GABRG3: variants seen among roughly 807,000 people sequenced by gnomAD.
GABRG3 encodes gamma-aminobutyric acid receptor subunit gamma-3.
In GABRG3, 25 loss-of-function variants were observed where a neutral mutation model predicts 48.8. The ratio of observed to expected loss-of-function variants is 0.51; its 90% CI spans 0.37 to 0.72. The LOEUF (loss-of-function observed/expected upper bound fraction) is 0.72, where lower values mean the gene tolerates loss of function less well. Among genes scored for constraint, GABRG3 ranks in the 30% least tolerant of loss-of-function variants. The pLI is 0.00. For missense variants in GABRG3, 394 were observed against 577.9 expected (o/e 0.68, Z 3.26); for synonymous variants, 227 against 217.6 (o/e 1.04, Z -0.38).
intron 3 of GABRG3, among the ~76,000 whole-genome samples, chr15:27,030,905 C>A (rs1896073503): frequency 6.6e-6 from 1 of 152,082 alleles, no homozygotes; most frequent in Non-Finnish European, 1.5e-5. Context: ...CCTGTAGGGC[C>A]ACAGCCTTAA....
intron 2 of GABRG3, among the ~76,000 whole-genome samples, chr15:27,006,240 C>T (rs749217588): frequency 3.3e-5 from 5 of 151,556 alleles, no homozygotes; most frequent in Non-Finnish European, 7.4e-5. Flanking sequence ...CTCGCTTTGT[C>T]GTCTGGGTTG....
chr15:27,346,712 A>G (rs1430359677), intron 5 of GABRG3, among the ~76,000 whole-genome samples: 1 of 151,932 alleles, frequency 6.6e-6, no homozygotes, highest in Non-Finnish European at 1.5e-5. Context: ...TGGCTGTGTC[A>G]ATTCTACTGA....
At chr15:27,294,596 T>A (rs1303008944) in intron 3 of GABRG3, among the ~76,000 whole-genome samples, 3 of 152,092 alleles carry the variant, frequency 2.0e-5, no homozygotes, top group African/African-American at 7.2e-5. Context: ...TACGGGGTTG[T>A]CTTTGGACTC....
intron 3 of GABRG3, among the ~76,000 whole-genome samples, chr15:27,109,404 A>G (rs1897505175): frequency 1.3e-5 from 2 of 152,148 alleles, no homozygotes; most frequent in Admixed American, 1.3e-4. Flanking sequence ...GGCTTTGCTG[A>G]ATGTGTAACG....
intron 3 of GABRG3, among the ~76,000 whole-genome samples, chr15:27,055,006 G>GTTTTTTT (rs150102149): frequency 9.2e-5 from 13 of 141,148 alleles, no homozygotes; most frequent in African/African-American, 3.5e-4. Context: ...GCCAAGACCT[G>GTTTTTTT]TTTTTTTTTT....
intron 5 of GABRG3, among the ~76,000 whole-genome samples, chr15:27,338,617 G>A (rs1894058652): frequency 6.6e-6 from 1 of 152,108 alleles, no homozygotes; most frequent in Non-Finnish European, 1.5e-5. Context: ...TCCTAGTTAG[G>A]TGCTCAGTGC....
chr15:26,977,288 A>G, intron 2 of GABRG3, 138 bp downstream of exon 2: 1 of 884,196 alleles, frequency 1.1e-6, no homozygotes, highest in Non-Finnish European at 1.7e-6. Flanking sequence ...CACAATAGAT[A>G]ACTTAGTGTG....
chr15:27,258,038 A>G lies in GABRG3; in HGVS notation c.271-68771A>G, dbSNP rs534823718. On this transcript the variant is annotated intron_variant, in intron 3 of 9. Coordinates refer to ENST00000615808, the MANE Select transcript of GABRG3 (RefSeq NM_033223.5). ...TTTATATTTAAAGAACAATCAAGTG[A>G]TTTGTGGATTCCCCACAGCTTCCTT... Among the ~76,000 whole-genome samples, 16 of 152,240 alleles carry G rather than the reference A, an allele frequency of 1.1e-4. 1 individual carries two copies. Among genetic ancestry groups the G allele is most frequent in the Middle Eastern group, 6.8e-3 (2 of 294 alleles).
At position 27,541,668 on chromosome 15, in the gene GABRG3, A is replaced by C. The variant is rs1355678871; in HGVS notation, c.*8787A>C. 6.6e-6 allele frequency: 1 copy of C among 152,220 alleles called. No individual in the cohort carries two copies. The highest frequency in any genetic ancestry group is 1.5e-5 in the Non-Finnish European group (1 of 68,108). 9.4% of individuals were successfully genotyped at this position (152,220 alleles called of 1,614,324 possible). A position where few individuals can be genotyped will look rare whatever the true frequency, so the allele number is the denominator to read the frequency against. ...GACCCGCCCTCACCAAGTGGCCTCCAGTAGCCCCTGTGTCCCTGTCGTCCC... is the reference window on the plus strand; with the variant it reads ...GACCCGCCCTCACCAAGTGGCCTCCCGTAGCCCCTGTGTCCCTGTCGTCCC... On this transcript the variant is annotated 3_prime_UTR_variant, in exon 10 of 10. Coordinates refer to ENST00000615808, the MANE Select transcript of GABRG3 (RefSeq NM_033223.5).
intron 3 of GABRG3, among the ~76,000 whole-genome samples, chr15:27,102,364 C>T (rs1441970966): frequency 1.3e-5 from 2 of 152,144 alleles, no homozygotes; most frequent in Non-Finnish European, 2.9e-5. Flanking sequence ...GCTAGAAACT[C>T]GAACTGAGCT....
In GABRG3 at chr15:27,417,387, G is replaced by C. The variant is rs62003770; in HGVS notation, c.575-63263G>C. ...TATGTATTTTCGATGACCTCTAGGTGACTGATGGCTCCCAATCCTCCTTCT... is the reference window on the plus strand; with the variant it reads ...TATGTATTTTCGATGACCTCTAGGTCACTGATGGCTCCCAATCCTCCTTCT... On this transcript the variant is annotated intron_variant, in intron 5 of 9. Coordinates refer to ENST00000615808, the MANE Select transcript of GABRG3 (RefSeq NM_033223.5). 8.4e-4 allele frequency among the ~76,000 whole-genome samples: 128 copies of C among 152,276 alleles called. 3 individuals carry two copies. The East Asian group carries it at 0.023, about 27-fold the overall frequency.
At chr15:27,305,283 A>T (rs28478038) in intron 3 of GABRG3, among the ~76,000 whole-genome samples, 187 of 151,716 alleles carry the variant, frequency 1.2e-3, no homozygotes, top group African/African-American at 4.2e-3. Context: ...TAACTCCAGA[A>T]TTGAAATATT....
rs147249932 is a variant in GABRG3 at position 27,311,015 on chromosome 15, A to G, written c.271-15794A>G. On this transcript the variant is annotated intron_variant, in intron 3 of 9. Coordinates refer to ENST00000615808, the MANE Select transcript of GABRG3 (RefSeq NM_033223.5). ...AAAGTCAAGAGAATAAAACTTCTGA[A>G]CATAAATAAGCAGGGCTGTTTTCCT... Among the ~76,000 whole-genome samples the G allele has an allele frequency of 8.1e-4, 124 of 152,316 alleles. 1 individual carries two copies. Among genetic ancestry groups the G allele is most frequent in the African/African-American group, 2.9e-3 (119 of 41,576 alleles).
intron 3 of GABRG3, among the ~76,000 whole-genome samples, chr15:27,041,880 T>C (rs934331535): frequency 6.6e-6 from 1 of 151,990 alleles, no homozygotes; most frequent in Non-Finnish European, 1.5e-5. Context: ...GACTTTGCCG[T>C]CCCTCCCTGG....
chr15:27,388,220 GGAAGGAA>G (rs1297035088), intron 5 of GABRG3, among the ~76,000 whole-genome samples: 4 of 79,260 alleles, frequency 5.0e-5, no homozygotes, highest in African/African-American at 1.8e-4. Flanking sequence ...AAAGGAGGAA[GGAAGGAA>G]AGGGAGGAGG....
At chr15:27,497,145 G>C (rs763135123) in intron 6 of GABRG3, among the ~76,000 whole-genome samples, 1 of 152,080 alleles carries the variant, frequency 6.6e-6, no homozygotes, top group Non-Finnish European at 1.5e-5. Flanking sequence ...TACATTATTA[G>C]TTTTTCATTG....
intron 3 of GABRG3, among the ~76,000 whole-genome samples, chr15:27,190,109 G>A (rs1309420345): frequency 6.6e-6 from 1 of 152,164 alleles, no homozygotes; most frequent in Non-Finnish European, 1.5e-5. Flanking sequence ...TTTTTGATGT[G>A]CTGCTGGATT....
intron 3 of GABRG3, among the ~76,000 whole-genome samples, chr15:27,072,090 T>G (rs1566927228): frequency 6.6e-6 from 1 of 152,196 alleles, no homozygotes; most frequent in Non-Finnish European, 1.5e-5. Context: ...TAAGAGCCTT[T>G]CGAAGTACCC....
At chr15:27,318,001 A>G (rs918999945) in intron 3 of GABRG3, among the ~76,000 whole-genome samples, 6 of 152,316 alleles carry the variant, frequency 3.9e-5, no homozygotes, top group Middle Eastern at 3.4e-3. Flanking sequence ...ACCCATGCCC[A>G]TTCTTCAAGG....
Sources: allele counts gnomAD v4.1 joint callset (sites outside exome capture counted in the v4.1 genomes callset), GRCh38; gene constraint gnomAD v4.1.1; transcripts MANE v1.5; gene names NCBI Gene and HGNC (gene_info 2026-07-23, HGNC 2026-07-21).